PRDM16: variants seen among roughly 807,000 people sequenced by gnomAD.
PRDM16 encodes PR/SET domain 16, also known as histone-lysine N-methyltransferase PRDM16.
In PRDM16, 23 loss-of-function variants were observed where a neutral mutation model predicts 110.6. The observed-to-expected ratio is 0.21, with a 90% CI of 0.15 to 0.29. PRDM16 has a LOEUF of 0.29. Among genes scored for constraint, PRDM16 ranks in the 10% least tolerant of loss-of-function variants. The probability of loss-of-function intolerance (pLI) is 1.00; values close to 1 mark genes in which losing one functional copy is unlikely to be tolerated. For synonymous variants in PRDM16, 799 were observed against 781.8 expected, an observed-to-expected ratio of 1.02 and a Z score of -0.37; for missense variants, 1,615 against 1,794.3, an observed-to-expected ratio of 0.90 and a Z score of 1.81.
At chr1:3,260,642 T>C (rs978066308) in intron 3 of PRDM16, among the ~76,000 whole-genome samples, 4 of 148,842 alleles carry the variant, frequency 2.7e-5, no homozygotes, top group Non-Finnish European at 5.9e-5. Context: ...GTGGTAGTGA[T>C]TATGTTAATG....
intron 2 of PRDM16, among the ~76,000 whole-genome samples, chr1:3,196,908 A>T (rs968562290): frequency 1.3e-5 from 2 of 152,054 alleles, no homozygotes; most frequent in African/African-American, 4.8e-5. Context: ...AGGTGGAAGG[A>T]GCAGAAGCTG....
At chr1:3,273,476 G>A (rs930688641) in intron 3 of PRDM16, among the ~76,000 whole-genome samples, 1 of 151,922 alleles carries the variant, frequency 6.6e-6, no homozygotes, top group Non-Finnish European at 1.5e-5. Flanking sequence ...GTGAATGTGT[G>A]TGCACATGCA....
chr1:3,333,134 T>C (rs778909440), intron 3 of PRDM16, among the ~76,000 whole-genome samples: 11 of 152,184 alleles, frequency 7.2e-5, no homozygotes, highest in Non-Finnish European at 2.9e-5. Flanking sequence ...GCCTTACTCC[T>C]CAGCTTACAG....
At chr1:3,285,823 C>T (rs537844671) in intron 3 of PRDM16, among the ~76,000 whole-genome samples, 3 of 152,344 alleles carry the variant, frequency 2.0e-5, no homozygotes, top group East Asian at 1.9e-4. Flanking sequence ...CACTGGCCCT[C>T]TCTGGCAAGA....
intron 3 of PRDM16, among the ~76,000 whole-genome samples, chr1:3,281,189 G>A (rs1014992737): frequency 3.9e-5 from 6 of 152,218 alleles, no homozygotes; most frequent in Admixed American, 2.6e-4. Context: ...AACTCGAAAC[G>A]TTGCCATCTG....
intron 3 of PRDM16, among the ~76,000 whole-genome samples, chr1:3,266,474 G>T (rs1640296011): frequency 6.6e-6 from 1 of 152,168 alleles, no homozygotes; most frequent in African/African-American, 2.4e-5. Flanking sequence ...GGACCGAGCG[G>T]TTCGCATTTG....
At chr1:3,150,447 T>G (rs918764841) in intron 1 of PRDM16, among the ~76,000 whole-genome samples, 2 of 149,400 alleles carry the variant, frequency 1.3e-5, no homozygotes, top group African/African-American at 4.9e-5. Context: ...TAGTCCCAGC[T>G]AATTGGGAGG....
At chr1:3,324,923 CT>C (rs1490473492) in intron 3 of PRDM16, among the ~76,000 whole-genome samples, 1 of 152,142 alleles carries the variant, frequency 6.6e-6, no homozygotes, top group Admixed American at 6.5e-5. Context: ...GCGGACGCCC[CT>C]GGTGGTGCTG....
At chr1:3,236,871 C>G (rs975703758) in intron 2 of PRDM16, among the ~76,000 whole-genome samples, 1 of 152,202 alleles carries the variant, frequency 6.6e-6, no homozygotes, top group Non-Finnish European at 1.5e-5. Context: ...GCCAAGTACC[C>G]AGTGCGGAGC....
intron 2 of PRDM16, among the ~76,000 whole-genome samples, chr1:3,193,540 G>A (rs1355411198): frequency 6.6e-6 from 1 of 152,202 alleles, no homozygotes; most frequent in East Asian, 1.9e-4. Context: ...CCACAGCCAT[G>A]GACCTCCGCA....
At chr1:3,323,802 C>T (rs768021528) in intron 3 of PRDM16, among the ~76,000 whole-genome samples, 12 of 152,360 alleles carry the variant, frequency 7.9e-5, no homozygotes, top group East Asian at 1.9e-4. Flanking sequence ...AACTCCTGGC[C>T]GTGGCCTGTG....
chr1:3,134,585 C>G (rs1033189779), intron 1 of PRDM16, among the ~76,000 whole-genome samples: 26 of 148,950 alleles, frequency 1.7e-4, no homozygotes, highest in African/African-American at 6.4e-4. Context: ...CCCGCCTCCC[C>G]CTGGAAGGGG....
At chr1:3,380,424 C>T (rs929731516) in intron 3 of PRDM16, among the ~76,000 whole-genome samples, 2 of 152,004 alleles carry the variant, frequency 1.3e-5, no homozygotes, top group Admixed American at 6.6e-5. Context: ...CCTCCGGGGA[C>T]AAGGAGAAAT....
chr1:3,378,677 A>C (rs1000242554), intron 3 of PRDM16, among the ~76,000 whole-genome samples: 6 of 152,064 alleles, frequency 3.9e-5, no homozygotes, highest in Non-Finnish European at 8.8e-5. Flanking sequence ...GACCCTGGGG[A>C]GGAAGGCGAG....
At chr1:3,330,443 C>T (rs191887141) in intron 3 of PRDM16, among the ~76,000 whole-genome samples, 1 of 152,356 alleles carries the variant, frequency 6.6e-6, no homozygotes, top group African/African-American at 2.4e-5. Context: ...GACAGTGGCC[C>T]TGAACAGAGA....
rs914864178 is a variant in PRDM16, at chr1:3,400,779, G to A, written c.677-2012G>A. 2.6e-5 allele frequency among the ~76,000 whole-genome samples: 4 copies of A among 152,140 alleles called. No individual in the cohort carries two copies. In the South Asian group the frequency reaches 6.2e-4, roughly 24 times the overall value. On this transcript the variant is annotated intron_variant, in intron 5 of 16. Coordinates refer to ENST00000270722, the MANE Select transcript of PRDM16 (RefSeq NM_022114.4). ...AGCAGGGCCAGGATGCCTGGACACC[G>A]GCTGAGAACGAAATCACAGTGTTTG...
At chr1:3,348,580 C>T (rs1356590892) in intron 3 of PRDM16, among the ~76,000 whole-genome samples, 2 of 152,234 alleles carry the variant, frequency 1.3e-5, no homozygotes, top group East Asian at 1.9e-4. Flanking sequence ...AGAGGCCCTC[C>T]GCCATGGCCT....
intron 1 of PRDM16, chr1:3,133,291 C>T (rs35999894): frequency 0.047 from 7,208 of 152,342 alleles, 237 homozygotes; most frequent in Non-Finnish European, 0.067. Flanking sequence ...CTTTTCCCAC[C>T]GCAAACCATG....
chr1:3,181,319 CGCAATCTTACACAA>C (rs1644172310), intron 1 of PRDM16, among the ~76,000 whole-genome samples: 4 of 60,292 alleles, frequency 6.6e-5, no homozygotes, highest in Admixed American at 2.2e-4. Context: ...GTCTTACACA[CGCAATCTTACACAA>C]GCAGTCTTAC....
Sources: allele counts gnomAD v4.1 joint callset (sites outside exome capture counted in the v4.1 genomes callset), GRCh38; gene constraint gnomAD v4.1.1; transcripts MANE v1.5; gene names NCBI Gene and HGNC (gene_info 2026-07-23, HGNC 2026-07-21).